The following TADA2A variants were observed in gnomAD, a reference collection of about 807,000 sequenced individuals.
TADA2A encodes transcriptional adapter 2-alpha.
A neutral mutation model predicts 67.4 loss-of-function variants in TADA2A; 38 were observed. The ratio of observed to expected loss-of-function variants is 0.56; its 90% CI spans 0.44 to 0.74. The LOEUF (loss-of-function observed/expected upper bound fraction) is 0.74. Ranked by LOEUF, TADA2A falls within the 30% of genes least tolerant of loss-of-function variation. TADA2A has a pLI of 0.00. For synonymous variants in TADA2A, 192 were observed against 181.6 expected (o/e 1.06, Z -0.46); for missense variants, 454 against 547.0 (o/e 0.83, Z 1.70).
chr17:37,411,828 G>C (rs1028344479), intron 2 of TADA2A, among the ~76,000 whole-genome samples: 3 of 150,786 alleles, frequency 2.0e-5, no homozygotes, highest in South Asian at 2.1e-4. Context: ...CTGATTCTAA[G>C]GGAATTATGA....
In TADA2A at chr17:37,478,348, C is replaced by T. The variant is rs1000917496; in HGVS notation, c.*1366C>T. On this transcript the variant is annotated 3_prime_UTR_variant, in exon 16 of 16. Transcript: ENST00000615182. ...CTGCCCCATCACGCTGCACTGTCTGCTGTCACATGTGTCCTGAACTCACCC... is the reference window on the plus strand; with the variant it reads ...CTGCCCCATCACGCTGCACTGTCTGTTGTCACATGTGTCCTGAACTCACCC... 3 of 152,224 alleles carry T rather than the reference C, an allele frequency of 2.0e-5. No individual in the cohort carries two copies. Among genetic ancestry groups the T allele is most frequent in the African/African-American group, 7.2e-5 (3 of 41,456 alleles). The allele number at this position is 152,224 out of a possible 1,614,324, so 9.4% of individuals were successfully genotyped here.
intron 8 of TADA2A, among the ~76,000 whole-genome samples, chr17:37,445,049 G>A (rs934588690): frequency 6.6e-5 from 10 of 152,120 alleles, no homozygotes; most frequent in African/African-American, 2.4e-4. Flanking sequence ...TAAGGTAATT[G>A]GTTAAATGGC....
rs2053578660 is a variant in TADA2A at position 37,462,846 on chromosome 17, G to A, written c.712+725G>A. Among the ~76,000 whole-genome samples, 3 of 152,138 alleles carry A rather than the reference G, an allele frequency of 2.0e-5. No individual in the cohort carries two copies. In the Middle Eastern group the frequency reaches 0.01, roughly 517 times the overall value. On this transcript the variant is annotated intron_variant, in intron 10 of 15. Transcript: ENST00000615182. ...AAATATTTTAGATAAATAACAGAAA[G>A]TGATCTTTATTTTGGATGGTTATAG...
chr17:37,468,096 G>A (rs1344259264), intron 12 of TADA2A, among the ~76,000 whole-genome samples: 1 of 151,156 alleles, frequency 6.6e-6, no homozygotes. Flanking sequence ...AAAAAAAAAA[G>A]GAATTTTATA....
At chr17:37,438,338 G>A (rs537085102) in intron 5 of TADA2A, among the ~76,000 whole-genome samples, 4 of 152,124 alleles carry the variant, frequency 2.6e-5, no homozygotes, top group Non-Finnish European at 5.9e-5. Context: ...GTTGACCTAG[G>A]GGGCAGCACC....
intron 8 of TADA2A, among the ~76,000 whole-genome samples, chr17:37,455,364 T>TTTTG (rs200179922): frequency 0.012 from 1,019 of 83,682 alleles, 7 homozygotes; most frequent in East Asian, 0.032. Flanking sequence ...AAGTTTGTTT[T>TTTTG]TTTGTTTGTT....
chr17:37,448,051 A>G (rs2147989250), intron 8 of TADA2A, among the ~76,000 whole-genome samples: 1 of 152,356 alleles, frequency 6.6e-6, no homozygotes, highest in East Asian at 1.9e-4. Flanking sequence ...AACATGGTAC[A>G]TAATTCAGAT....
intron 9 of TADA2A, chr17:37,461,835 C>T (rs1006578539): frequency 8.4e-6 from 3 of 359,124 alleles, no homozygotes; most frequent in African/African-American, 2.1e-5. Flanking sequence ...TTGATTCATT[C>T]GTTCAGCAAA....
chr17:37,440,470 A>G, intron 5 of TADA2A, 35 bp from the exon 6 acceptor site: 2 of 1,609,938 alleles, frequency 1.2e-6, no homozygotes, highest in Non-Finnish European at 1.7e-6. Flanking sequence ...TGTAAATACA[A>G]GTACCACTTC....
Position 37,441,451 on chromosome 17 carries a change from G to C in TADA2A, c.442+789G>C, listed in dbSNP as rs2052914278. On this transcript the variant is annotated intron_variant, in intron 6 of 15. Coordinates refer to ENST00000615182, the MANE Select transcript of TADA2A (RefSeq NM_001166105.3). ...TATTTTTGTTCGCTTGGTTGTGTCA[G>C]TGATGGCGAACTTTTTAATCTCATG... Among the ~76,000 whole-genome samples, 3 of 152,166 alleles carry C rather than the reference G, an allele frequency of 2.0e-5. No individual in the cohort carries two copies. The South Asian group carries it at 6.2e-4, about 31-fold the overall frequency.
chr17:37,453,768 T>G, intron 8 of TADA2A, among the ~76,000 whole-genome samples: 1 of 142,570 alleles, frequency 7.0e-6, no homozygotes, highest in East Asian at 2.0e-4. Flanking sequence ...GATTTTTTTT[T>G]TTTTTTTTTT....
At chr17:37,466,265 C>A (rs1187187461) in intron 11 of TADA2A, among the ~76,000 whole-genome samples, 2 of 152,078 alleles carry the variant, frequency 1.3e-5, no homozygotes, top group Non-Finnish European at 2.9e-5. Context: ...TACAAAAATA[C>A]AAAAGTTAGC....
At position 37,477,734 on chromosome 17, in the gene TADA2A, G is replaced by T. The variant is rs1413928971; in HGVS notation, c.*752G>T. On this transcript the variant is annotated 3_prime_UTR_variant, in exon 16 of 16. Transcript: ENST00000615182. The stretch of plus-strand genomic sequence containing the variant: ...CCGCCTCAGCCTCCCAAAGTACTAG[G>T]ATTACAGGCGTGAGCCATCGCGCCC... 1 of 152,088 alleles carries T rather than the reference G, an allele frequency of 6.6e-6. No individual in the cohort carries two copies. Among genetic ancestry groups the T allele is most frequent in the Non-Finnish European group, 1.5e-5 (1 of 68,064 alleles). 9.4% of individuals were successfully genotyped at this position (152,088 alleles called of 1,614,324 possible). A position where few individuals can be genotyped will look rare whatever the true frequency, so the allele number is the denominator to read the frequency against.
chr17:37,456,725 C>T (rs981875247), intron 8 of TADA2A, among the ~76,000 whole-genome samples: 3 of 151,938 alleles, frequency 2.0e-5, no homozygotes, highest in African/African-American at 2.4e-5. Context: ...AAATAGATAT[C>T]GAGTTTGAAA....
At position 37,470,836 on chromosome 17, in the gene TADA2A, G is replaced by A. The variant is rs149358474; in HGVS notation, c.1029-258G>A. On this transcript the variant is annotated intron_variant, in intron 13 of 15. Coordinates refer to ENST00000615182, the MANE Select transcript of TADA2A (RefSeq NM_001166105.3). The stretch of plus-strand genomic sequence containing the variant: ...AGATTTTCACTGGGGAATCATGTTT[G>A]TATCCCTTCCCCTTGAGTGGTGTTA... Among the ~76,000 whole-genome samples, 692 of 152,194 alleles carry A rather than the reference G, an allele frequency of 4.5e-3. 2 individuals are homozygous for A. The highest frequency in any genetic ancestry group is 5.8e-3 in the Non-Finnish European group (394 of 68,000).
At chr17:37,460,538 C>T (rs143866205) in intron 9 of TADA2A, among the ~76,000 whole-genome samples, 1 of 152,330 alleles carries the variant, frequency 6.6e-6, no homozygotes, top group East Asian at 1.9e-4. Flanking sequence ...AGCCACTGCC[C>T]CCAGCCCTAT....
At chr17:37,461,104 G>C (rs998861171) in intron 9 of TADA2A, among the ~76,000 whole-genome samples, 3 of 152,132 alleles carry the variant, frequency 2.0e-5, no homozygotes, top group African/African-American at 7.2e-5. Flanking sequence ...GGATGGCTGG[G>C]GGCAGGAATG....
At chr17:37,468,884 A>G (rs779964519) in intron 12 of TADA2A, among the ~76,000 whole-genome samples, 9 of 151,828 alleles carry the variant, frequency 5.9e-5, no homozygotes, top group Non-Finnish European at 8.8e-5. Context: ...CCTACTATCT[A>G]TAAGAAATAG....
intron 9 of TADA2A, among the ~76,000 whole-genome samples, chr17:37,458,853 T>C (rs911242542): frequency 1.3e-5 from 2 of 152,056 alleles, no homozygotes; most frequent in East Asian, 1.9e-4. Context: ...ATTTTTTGTA[T>C]TTTTTGTAGA....
Sources: allele counts gnomAD v4.1 joint callset (sites outside exome capture counted in the v4.1 genomes callset), GRCh38; gene constraint gnomAD v4.1.1; transcripts MANE v1.5; gene names NCBI Gene and HGNC (gene_info 2026-07-23, HGNC 2026-07-21).